RALGAPA1: variants seen among roughly 807,000 people sequenced by gnomAD.
The protein encoded by RALGAPA1 is Ral GTPase activating protein catalytic subunit alpha 1.
In RALGAPA1, 52 loss-of-function variants were observed where a neutral mutation model predicts 269.6. That is an observed-to-expected ratio of 0.19 (90% CI 0.15 to 0.24). The LOEUF is 0.24. Ranked by LOEUF, RALGAPA1 falls within the 10% of genes least tolerant of loss-of-function variation. The pLI, the probability that RALGAPA1 is intolerant of heterozygous loss-of-function variation, is 1.00. For synonymous variants in RALGAPA1, 817 were observed against 1,008.3 expected (o/e 0.81, Z 3.60); for missense variants, 1,917 against 3,013.9 (o/e 0.64, Z 8.52).
intron 16 of RALGAPA1, among the ~76,000 whole-genome samples, chr14:35,705,128 T>C (rs2067691504): frequency 1.3e-5 from 2 of 152,138 alleles, no homozygotes; most frequent in South Asian, 4.1e-4. Flanking sequence ...TGTATTAGCA[T>C]GGTACATTTG....
intron 37 of RALGAPA1, 103 bp downstream of exon 37, chr14:35,595,531 C>CCAGAAA: frequency 9.4e-7 from 1 of 1,063,020 alleles, no homozygotes; most frequent in Non-Finnish European, 1.4e-6. Context: ...TGTACTACAA[C>CCAGAAA]CAGAAACAGT....
intron 26 of RALGAPA1, among the ~76,000 whole-genome samples, chr14:35,667,265 T>G (rs2064017738): frequency 6.6e-6 from 1 of 151,892 alleles, no homozygotes; most frequent in African/African-American, 2.4e-5. Context: ...CTGGGCATGG[T>G]GGCGCACCTG....
intron 37 of RALGAPA1, among the ~76,000 whole-genome samples, chr14:35,573,088 GATT>G: frequency 6.6e-6 from 1 of 152,270 alleles, no homozygotes; most frequent in East Asian, 1.9e-4. Flanking sequence ...AGAGAAAGTT[GATT>G]ATGTTTCGTT....
chr14:35,671,167 G>C lies in RALGAPA1; in HGVS notation c.5202+222C>G, dbSNP rs201787618. Among the ~76,000 whole-genome samples, 16 of 151,746 alleles carry C rather than the reference G, an allele frequency of 1.1e-4. No individual in the cohort carries two copies. The East Asian group carries it at 3.1e-3, about 29-fold the overall frequency. Reference sequence around the variant, plus strand: ...TTGCTTTCTTCCCTCCGTTTCTTTAGATTTCCTCAACTTTAAATCCTGTTC... The same window carrying C: ...TTGCTTTCTTCCCTCCGTTTCTTTACATTTCCTCAACTTTAAATCCTGTTC... On this transcript the variant is annotated intron_variant, in intron 26 of 41. Coordinates refer to ENST00000680220, the MANE Select transcript of RALGAPA1 (RefSeq NM_001346249.2).
chr14:35,798,992 C>CAA lies in RALGAPA1; in HGVS notation c.106+9736_106+9737dup, dbSNP rs60003824. 3.1e-3 allele frequency among the ~76,000 whole-genome samples: 250 copies of CAA among 81,352 alleles called. 1 individual carries two copies. The highest frequency in any genetic ancestry group is 5.1e-3 in the Non-Finnish European group (190 of 37,368). 53.4% of individuals were successfully genotyped at this position (81,352 alleles called of 152,430 possible). On this transcript the variant is annotated intron_variant, in intron 1 of 41. Transcript: ENST00000680220. ...GCCTGGGCAACACAGCTGTCTGTGTCAAAAAAAAAAAAAAAAAAGTACACA... is the reference window on the plus strand; with the variant it reads ...GCCTGGGCAACACAGCTGTCTGTGTCAAAAAAAAAAAAAAAAAAAAGTACACA...
At chr14:35,745,881 T>TA (rs1346906438) in intron 10 of RALGAPA1, among the ~76,000 whole-genome samples, 1 of 151,530 alleles carries the variant, frequency 6.6e-6, no homozygotes, top group African/African-American at 2.4e-5. Flanking sequence ...GGCAAGGACT[T>TA]AGAGACCAGC....
intron 1 of RALGAPA1, among the ~76,000 whole-genome samples, chr14:35,798,391 G>C (rs1448306448): frequency 6.6e-6 from 1 of 150,998 alleles, no homozygotes. Flanking sequence ...TGCCCAGGCT[G>C]GTCTCAAACT....
In RALGAPA1 at chr14:35,554,669, G is replaced by A. The variant is rs146210577; in HGVS notation, c.7497-5435C>T. ...CCTAAATACACTTTCTTAAGAAATA[G>A]TTTTTATACCCGATTCTTGGGGGCA... On this transcript the variant is annotated intron_variant, in intron 39 of 41. Coordinates refer to ENST00000680220, the MANE Select transcript of RALGAPA1 (RefSeq NM_001346249.2). Among the ~76,000 whole-genome samples, 7 of 152,240 alleles carry A rather than the reference G, an allele frequency of 4.6e-5. No homozygotes were observed. The East Asian group carries it at 1.3e-3, about 29-fold the overall frequency.
intron 40 of RALGAPA1, 29 bp from the exon 41 acceptor site, chr14:35,548,567 A>G (rs781237501): frequency 6.7e-7 from 1 of 1,482,466 alleles, no homozygotes; most frequent in South Asian, 1.2e-5. Context: ...TGAAACAATC[A>G]TAAGGAGAGC....
intron 17 of RALGAPA1, among the ~76,000 whole-genome samples, chr14:35,696,187 G>A (rs2066881636): frequency 6.6e-6 from 1 of 152,032 alleles, no homozygotes; most frequent in Non-Finnish European, 1.5e-5. Context: ...GAGCCCAGGA[G>A]TTTAAGACCA....
chr14:35,665,652 ATG>A (rs2063868812), intron 26 of RALGAPA1, among the ~76,000 whole-genome samples: 1 of 152,198 alleles, frequency 6.6e-6, no homozygotes, highest in African/African-American at 2.4e-5. Context: ...TTTAAAAACA[ATG>A]TGGATTTAAA....
chr14:35,698,986 T>C (rs1456479386), intron 17 of RALGAPA1, among the ~76,000 whole-genome samples: 1 of 152,190 alleles, frequency 6.6e-6, no homozygotes, highest in Non-Finnish European at 1.5e-5. Flanking sequence ...TAAATCTTAC[T>C]AATTTTCTGT....
chr14:35,779,941 G>A (rs1227087826), intron 1 of RALGAPA1, among the ~76,000 whole-genome samples: 1 of 152,056 alleles, frequency 6.6e-6, no homozygotes, highest in South Asian at 2.1e-4. Flanking sequence ...GGCCAACATG[G>A]TGAAACCCTG....
chr14:35,666,172 G>A (rs995208022), intron 26 of RALGAPA1, among the ~76,000 whole-genome samples: 11 of 151,780 alleles, frequency 7.2e-5, no homozygotes, highest in African/African-American at 1.5e-4. Context: ...TTACAGGTGC[G>A]TGCCACCACT....
At chr14:35,641,064 C>A (rs755934355) in intron 31 of RALGAPA1, among the ~76,000 whole-genome samples, 2 of 151,868 alleles carry the variant, frequency 1.3e-5, no homozygotes, top group Non-Finnish European at 2.9e-5. Context: ...CCCCTCCCCC[C>A]ACAAAAAAAC....
In RALGAPA1 at chr14:35,605,683, A is replaced by C. The variant is rs2059555298; in HGVS notation, c.6956T>G (p.Phe2319Cys). 1 of 1,610,468 alleles carries C rather than the reference A, an allele frequency of 6.2e-7. No individual in the cohort carries two copies. The highest frequency in any genetic ancestry group is 8.5e-7 in the Non-Finnish European group (1 of 1,178,984). The change falls in exon 36 of 42, where the codon TTT (phenylalanine) becomes TGT (cysteine). Residue 2319 changes from phenylalanine (F) to cysteine (C), a missense_variant. Around this residue, in one of 11 missense-constraint regions of RALGAPA1, gnomAD observed 132 missense variants for 271.2 expected, o/e 0.49. Transcript: ENST00000680220. ...QCRETHKIAV[F>C]YVAEGQEDKH... ...GTCTTCTTGTCCTTCAGCAACATAA[A>C]ATACTGCAATCTTGTGTGTCTCTCG...
intron 31 of RALGAPA1, among the ~76,000 whole-genome samples, chr14:35,644,228 G>A (rs536594624): frequency 5.5e-4 from 84 of 152,174 alleles, no homozygotes; most frequent in African/African-American, 1.9e-3. Context: ...ATGAACTTAC[G>A]TATTAAGGAT....
Position 35,655,797 on chromosome 14 carries a change from T to C in RALGAPA1, c.5496+10A>G. The C allele has an allele frequency of 6.2e-7, 1 of 1,610,450 alleles. No homozygotes were observed. On this transcript the variant is annotated intron_variant, in intron 29 of 41. Coordinates refer to ENST00000680220, the MANE Select transcript of RALGAPA1 (RefSeq NM_001346249.2). ...TATCTTAATATATTTCACTAAACAG[T>C]TTTCTTTACCTTTAAGGAAACACAA... is the stretch of plus-strand genomic sequence containing the variant.
chr14:35,776,731 C>T (rs1370381138), intron 1 of RALGAPA1, among the ~76,000 whole-genome samples: 1 of 152,016 alleles, frequency 6.6e-6, no homozygotes, highest in Non-Finnish European at 1.5e-5. Flanking sequence ...GAACACTAGA[C>T]ATAAAGTGGT....
Sources: gnomAD v4.1 joint callset for allele counts (sites outside exome capture counted in the v4.1 genomes callset) on GRCh38, gnomAD v4.1.1 for gene constraint, gnomAD v4.1.1 regional missense constraint, MANE v1.5 for transcripts, NCBI Gene and HGNC (gene_info 2026-07-23, HGNC 2026-07-21) for gene names.